FOXN3: variants seen among roughly 807,000 people sequenced by gnomAD.
FOXN3 encodes forkhead box protein N3.
Under a neutral mutation model 38.4 loss-of-function variants are expected in FOXN3, and 7 were observed. The ratio of observed to expected loss-of-function variants is 0.18; its 90% CI spans 0.10 to 0.34. FOXN3 has a LOEUF of 0.34. FOXN3 is among the 10% of genes least tolerant of loss of function. FOXN3 has a pLI of 1.00. For synonymous variants in FOXN3, 230 were observed against 242.2 expected (o/e 0.95, Z 0.47); for missense variants, 456 against 613.4 (o/e 0.74, Z 2.71).
chr14:89,535,055 C>T (rs1894656040), intron 1 of FOXN3, among the ~76,000 whole-genome samples: 1 of 152,200 alleles, frequency 6.6e-6, no homozygotes, highest in Non-Finnish European at 1.5e-5. Flanking sequence ...GCATAACCTA[C>T]AAACAGCAGA....
At chr14:89,615,083 A>C (rs1896466792) in intron 1 of FOXN3, among the ~76,000 whole-genome samples, 1 of 149,988 alleles carries the variant, frequency 6.7e-6, no homozygotes, top group African/African-American at 2.5e-5. Context: ...TGTGTACTAT[A>C]AACTGGATTT....
upstream of FOXN3, among the ~76,000 whole-genome samples, chr14:89,420,836 C>T (rs1891884602): frequency 6.7e-6 from 1 of 149,876 alleles, no homozygotes; most frequent in South Asian, 2.1e-4. Flanking sequence ...GCAAAGGTGG[C>T]TCACTGAATA....
chr14:89,535,316 A>G lies in FOXN3; in HGVS notation c.-15+83712T>C, dbSNP rs1894664008. ...AGTATTTATTTTTTATGAGCAGCTG[A>G]AGGTTGATCAAAACATTCCTCCCCA... On this transcript the variant is annotated intron_variant, in intron 1 of 6. Transcript: ENST00000345097. 5.3e-5 allele frequency among the ~76,000 whole-genome samples: 8 copies of G among 152,072 alleles called. 1 individual carries two copies. Among genetic ancestry groups the G allele is most frequent in the Admixed American group, 5.2e-4 (8 of 15,266 alleles).
At chr14:89,193,526 C>A (rs2139811241) in intron 4 of FOXN3, among the ~76,000 whole-genome samples, 1 of 152,134 alleles carries the variant, frequency 6.6e-6, no homozygotes, top group African/African-American at 2.4e-5. Context: ...CACCTATGAC[C>A]CCCCACCCCC....
At chr14:89,499,947 T>C (rs1285036981) in intron 1 of FOXN3, among the ~76,000 whole-genome samples, 1 of 152,188 alleles carries the variant, frequency 6.6e-6, no homozygotes, top group African/African-American at 2.4e-5. Flanking sequence ...CATCTCGGGT[T>C]CAAGTGATTC....
chr14:89,475,739 T>G (rs1444358775), intron 1 of FOXN3, among the ~76,000 whole-genome samples: 6 of 152,154 alleles, frequency 3.9e-5, no homozygotes, highest in African/African-American at 1.4e-4. Flanking sequence ...TGCCATTCCA[T>G]AAAAGAGCAA....
chr14:89,611,666 C>T (rs1896394214), intron 1 of FOXN3, among the ~76,000 whole-genome samples: 1 of 152,078 alleles, frequency 6.6e-6, no homozygotes, highest in African/African-American at 2.4e-5. Context: ...ATTAGCCGGG[C>T]ATGGCAGCGG....
intron 1 of FOXN3, among the ~76,000 whole-genome samples, chr14:89,435,139 T>A (rs1892249722): frequency 1.3e-5 from 2 of 152,062 alleles, no homozygotes. Context: ...CCCAATACTT[T>A]GGGAGGCTGC....
At position 89,599,562 on chromosome 14, in the gene FOXN3, TATTG is replaced by T. The variant is rs373277142; in HGVS notation, c.-15+19462_-15+19465del. Among the ~76,000 whole-genome samples, 370 of 151,134 alleles carry T rather than the reference TATTG, an allele frequency of 2.4e-3. 3 individuals carry two copies. Among genetic ancestry groups the T allele is most frequent in the African/African-American group, 8.7e-3 (353 of 40,434 alleles). On this transcript the variant is annotated intron_variant, in intron 1 of 6. Coordinates refer to the FOXN3 transcript ENST00000345097. ...AGGTATATCCAATTTGTTTATTTTTTATTGTTTTTTTTAATCATATCTGGTCTTC... is the reference window on the plus strand; with the variant it reads ...AGGTATATCCAATTTGTTTATTTTTTTTTTTTTTAATCATATCTGGTCTTC...
At chr14:89,525,575 G>A (rs1332311407) in intron 1 of FOXN3, among the ~76,000 whole-genome samples, 1 of 149,342 alleles carries the variant, frequency 6.7e-6, no homozygotes, top group Non-Finnish European at 1.5e-5. Flanking sequence ...CTGCTGCTCT[G>A]CCTATGCAGT....
upstream of FOXN3, chr14:89,417,718 C>T (rs764608079): frequency 3.5e-5 from 16 of 455,726 alleles, no homozygotes; most frequent in South Asian, 2.5e-4. Context: ...GGAGATTCCA[C>T]GTCTCCCCAG....
chr14:89,509,462 G>C (rs767387105), intron 1 of FOXN3, among the ~76,000 whole-genome samples: 17 of 152,218 alleles, frequency 1.1e-4, no homozygotes, highest in Non-Finnish European at 1.8e-4. Flanking sequence ...AGCCTCCCAA[G>C]TAGGTGGGAT....
At chr14:89,378,608 T>C (rs1382883520) in intron 2 of FOXN3, among the ~76,000 whole-genome samples, 1 of 152,116 alleles carries the variant, frequency 6.6e-6, no homozygotes, top group Non-Finnish European at 1.5e-5. Context: ...TTTAACTGTG[T>C]GCATTTTCTC....
chr14:89,391,639 C>A (rs1032646599), intron 2 of FOXN3, among the ~76,000 whole-genome samples: 1 of 152,174 alleles, frequency 6.6e-6, no homozygotes, highest in East Asian at 1.9e-4. Flanking sequence ...GAAAAATAAG[C>A]GACAGTCCCC....
At chr14:89,360,535 A>G (rs1250591447) in intron 2 of FOXN3, among the ~76,000 whole-genome samples, 1 of 146,104 alleles carries the variant, frequency 6.8e-6, no homozygotes, top group African/African-American at 2.5e-5. Flanking sequence ...AAAAAAAGGG[A>G]CACAGAGGGA....
chr14:89,423,073 G>C (rs1417537626), intron 1 of FOXN3, among the ~76,000 whole-genome samples: 1 of 152,210 alleles, frequency 6.6e-6, no homozygotes, highest in African/African-American at 2.4e-5. Context: ...GTGAAGAGTG[G>C]AGGGGACTGG....
intron 1 of FOXN3, among the ~76,000 whole-genome samples, chr14:89,466,295 T>C (rs1037196384): frequency 2.5e-4 from 38 of 152,266 alleles, no homozygotes; most frequent in African/African-American, 9.1e-4. Flanking sequence ...AACCAATACA[T>C]CCAGACCTCC....
intron 1 of FOXN3, among the ~76,000 whole-genome samples, chr14:89,446,797 C>T (rs1199768829): frequency 2.6e-5 from 4 of 152,194 alleles, no homozygotes; most frequent in Admixed American, 6.5e-5. Context: ...GGCCACTTGC[C>T]ACTTTTTGGA....
In FOXN3 at chr14:89,360,774, T is replaced by A. The variant is rs1277744075; in HGVS notation, c.544-9966A>T. On this transcript the variant is annotated intron_variant, in intron 2 of 5. Coordinates refer to ENST00000557258, the MANE Select transcript of FOXN3 (RefSeq NM_005197.4). ...CACCACCACCTCCACCACTACCACC[T>A]CCACCACCACCTCCACCACCACCAC... Among the ~76,000 whole-genome samples the A allele has an allele frequency of 7.0e-3, 240 of 34,530 alleles. 4 individuals carry two copies. The highest frequency in any genetic ancestry group is 0.043 in the Middle Eastern group (2 of 46). The allele number at this position is 34,530 out of a possible 152,430, so 22.7% of individuals were successfully genotyped here. A position where few individuals can be genotyped will look rare whatever the true frequency, so the allele number is the denominator to read the frequency against.
Sources: allele counts gnomAD v4.1 joint callset (sites outside exome capture counted in the v4.1 genomes callset), GRCh38; gene constraint gnomAD v4.1.1; transcripts MANE v1.5; gene names NCBI Gene and HGNC (gene_info 2026-07-23, HGNC 2026-07-21).